Variants in BACH2 observed in about 807,000 individuals in gnomAD.
The protein encoded by BACH2 is BACH transcriptional regulator 2.
In BACH2, 5 loss-of-function variants were observed where a neutral mutation model predicts 61.8. The observed-to-expected ratio is 0.08, with a 90% CI of 0.04 to 0.17. The LOEUF is 0.17. Among genes scored for constraint, BACH2 ranks in the 10% least tolerant of loss-of-function variants. The pLI, the probability that BACH2 is intolerant of heterozygous loss-of-function variation, is 1.00. For synonymous variants in BACH2, 446 were observed against 440.1 expected, an observed-to-expected ratio of 1.01 and a Z score of -0.17; for missense variants, 824 against 1,091.1, an observed-to-expected ratio of 0.76 and a Z score of 3.45.
chr6:90,228,037 C>T (rs1437908978), intron 3 of BACH2, among the ~76,000 whole-genome samples: 1 of 152,200 alleles, frequency 6.6e-6, no homozygotes, highest in African/African-American at 2.4e-5. Flanking sequence ...AAAATAACAT[C>T]TCTGTTTAAA....
intron 4 of BACH2, among the ~76,000 whole-genome samples, chr6:90,176,408 C>G (rs1454873680): frequency 6.6e-6 from 1 of 152,118 alleles, no homozygotes. Context: ...AAAGTGCACA[C>G]TGGGAAGGGG....
At position 90,117,278 on chromosome 6, in the gene BACH2, C is replaced by A. The variant is rs560544314; in HGVS notation, c.-161-28169G>T. Among the ~76,000 whole-genome samples the A allele has an allele frequency of 1.8e-4, 28 of 152,188 alleles. No homozygotes were observed. In the South Asian group the frequency reaches 5.8e-3, roughly 32 times the overall value. ...CTTCATCTTTCACCACTCCTCCTAC[C>A]CTGCTCTCTGCTCCAGCCATCTTGA... On this transcript the variant is annotated intron_variant, in intron 4 of 8. Transcript: ENST00000257749.
chr6:90,195,922 T>C (rs1312941278), intron 4 of BACH2, among the ~76,000 whole-genome samples: 1 of 152,194 alleles, frequency 6.6e-6, no homozygotes, highest in Non-Finnish European at 1.5e-5. Context: ...AAAGTAATCA[T>C]AATAGAAAGC....
intron 4 of BACH2, among the ~76,000 whole-genome samples, chr6:90,115,837 A>C (rs1783375174): frequency 6.6e-6 from 1 of 152,160 alleles, no homozygotes; most frequent in South Asian, 2.1e-4. Context: ...AAAAATAAAC[A>C]ACCCTGTTCA....
At chr6:90,100,812 G>A (rs1438967967) in intron 4 of BACH2, among the ~76,000 whole-genome samples, 2 of 151,718 alleles carry the variant, frequency 1.3e-5, no homozygotes, top group Non-Finnish European at 2.9e-5. Flanking sequence ...TGGTAACTCT[G>A]TATTTAACAT....
At chr6:90,294,169 T>C (rs568653087) in intron 1 of BACH2, among the ~76,000 whole-genome samples, 1 of 152,296 alleles carries the variant, frequency 6.6e-6, no homozygotes, top group South Asian at 2.1e-4. Flanking sequence ...CATGTAATCC[T>C]GGCAAACACA....
intron 4 of BACH2, chr6:90,116,988 T>A (rs1042941369): frequency 5.3e-6 from 2 of 380,746 alleles, no homozygotes; most frequent in Non-Finnish European, 1.0e-5. Flanking sequence ...TTGCTCCTTC[T>A]TTCTCTGGCA....
At chr6:90,031,728 T>C (rs559798656) in intron 5 of BACH2, among the ~76,000 whole-genome samples, 1 of 152,160 alleles carries the variant, frequency 6.6e-6, no homozygotes, top group Non-Finnish European at 1.5e-5. Flanking sequence ...TGGAAGAACA[T>C]TCCATGCTCA....
At chr6:90,006,611 CTTAT>C (rs370820090) in intron 6 of BACH2, among the ~76,000 whole-genome samples, 21 of 152,148 alleles carry the variant, frequency 1.4e-4, no homozygotes, top group African/African-American at 2.6e-4. Context: ...TTATGCAGTC[CTTAT>C]TTATTTATTT....
intron 3 of BACH2, among the ~76,000 whole-genome samples, chr6:90,225,969 C>T (rs1479403934): frequency 6.6e-6 from 1 of 152,164 alleles, no homozygotes; most frequent in Non-Finnish European, 1.5e-5. Flanking sequence ...TACCCTGAAA[C>T]TTGTCACTAG....
chr6:90,246,921 G>A (rs917958854), intron 3 of BACH2, among the ~76,000 whole-genome samples: 10 of 151,906 alleles, frequency 6.6e-5, no homozygotes, highest in Non-Finnish European at 1.0e-4. Flanking sequence ...GAAACCTGAC[G>A]TTAAAGTCCT....
At chr6:90,186,645 G>A (rs926350825) in intron 4 of BACH2, among the ~76,000 whole-genome samples, 4 of 152,172 alleles carry the variant, frequency 2.6e-5, no homozygotes, top group African/African-American at 7.2e-5. Context: ...AACTGGAGAA[G>A]TCACTTTTTG....
At chr6:90,009,044 T>C (rs1777565046) in intron 5 of BACH2, among the ~76,000 whole-genome samples, 188 bp from the exon 6 acceptor site, 1 of 152,186 alleles carries the variant, frequency 6.6e-6, no homozygotes, top group Non-Finnish European at 1.5e-5. Context: ...TCAGGAAACA[T>C]ATCTGTAAAG....
In BACH2 at chr6:89,964,716, T is replaced by C. The variant is rs529881391; in HGVS notation, c.244-12854A>G. 3.3e-5 allele frequency among the ~76,000 whole-genome samples: 5 copies of C among 152,298 alleles called. No homozygotes were observed. In the South Asian group the frequency reaches 6.2e-4, roughly 19 times the overall value. On this transcript the variant is annotated intron_variant, in intron 6 of 8. Coordinates refer to ENST00000257749, the MANE Select transcript of BACH2 (RefSeq NM_021813.4). ...GGTCGAGGAGAATTCTGGTAGCTAT[T>C]TGACCTAATTCTGTACATGGGAATA...
intron 4 of BACH2, among the ~76,000 whole-genome samples, chr6:90,152,502 G>A (rs1329751877): frequency 6.6e-6 from 1 of 152,142 alleles, no homozygotes; most frequent in Non-Finnish European, 1.5e-5. Context: ...AATTCCACAG[G>A]ATGATTAGAT....
chr6:89,950,205 G>C lies in BACH2; in HGVS notation c.1836+65C>G. 1 of 1,563,064 alleles carries C rather than the reference G, an allele frequency of 6.4e-7. No homozygotes were observed. ...AACAATGTGGGAGTGGTGGGGGGCA[G>C]GGAGTAGTCCAGATAAAGGGCCTAG... On this transcript the variant is annotated intron_variant, in intron 7 of 8. Coordinates refer to ENST00000257749, the MANE Select transcript of BACH2 (RefSeq NM_021813.4). The surrounding 1 kb of genome is among the most constrained non-coding windows in gnomAD (Gnocchi z 5.3).
rs144871272 is a variant in BACH2 at position 90,094,896 on chromosome 6, T to C, written c.-161-5787A>G. The stretch of plus-strand genomic sequence containing the variant: ...CACACACACTTTTTTCCCCTCTGGA[T>C]TGAGTAGAAAGACAATTTAATACAA... On this transcript the variant is annotated intron_variant, in intron 4 of 8. Transcript: ENST00000257749. Among the ~76,000 whole-genome samples the C allele has an allele frequency of 8.8e-3, 1,335 of 152,126 alleles. 18 individuals carry two copies. Among genetic ancestry groups the C allele is most frequent in the Non-Finnish European group, 0.011 (773 of 67,980 alleles).
intron 4 of BACH2, among the ~76,000 whole-genome samples, chr6:90,157,318 A>G (rs1468507160): frequency 6.6e-6 from 1 of 152,250 alleles, no homozygotes; most frequent in African/African-American, 2.4e-5. Context: ...GAGAAAAGAG[A>G]AAACAATTAC....
chr6:90,264,359 G>T (rs1410496237), intron 2 of BACH2, among the ~76,000 whole-genome samples: 1 of 151,978 alleles, frequency 6.6e-6, no homozygotes, highest in Non-Finnish European at 1.5e-5. Flanking sequence ...AACCCCTCTT[G>T]CCAACACACA....
Sources: allele counts gnomAD v4.1 joint callset (sites outside exome capture counted in the v4.1 genomes callset), GRCh38; gene constraint gnomAD v4.1.1; non-coding constraint Gnocchi (gnomAD v3.1); transcripts MANE v1.5; gene names NCBI Gene and HGNC (gene_info 2026-07-23, HGNC 2026-07-21).